The following THADA variants were observed in gnomAD, a reference collection of about 807,000 sequenced individuals.
THADA encodes the protein tRNA (32-2'-O)-methyltransferase regulator THADA.
Under a neutral mutation model 219.8 loss-of-function variants are expected in THADA, and 213 were observed. The ratio of observed to expected loss-of-function variants is 0.97; its 90% CI spans 0.87 to 1.09. THADA has a LOEUF of 1.09. Among genes scored for constraint, THADA ranks in the 50% least tolerant of loss-of-function variants. The probability of loss-of-function intolerance (pLI) is 0.00; values close to 1 mark genes in which losing one functional copy is unlikely to be tolerated. For synonymous variants in THADA, 1,018 were observed against 828.9 expected (o/e 1.23, Z -3.92); for missense variants, 2,956 against 2,311.3 (o/e 1.28, Z -5.72).
intron 29 of THADA, among the ~76,000 whole-genome samples, chr2:43,354,203 G>A (rs1262756773): frequency 4.0e-5 from 6 of 151,826 alleles, no homozygotes; most frequent in Non-Finnish European, 7.4e-5. Flanking sequence ...TGATCCACCC[G>A]CCTTGGCCTC....
Position 43,577,256 on chromosome 2 carries a change from G to A in THADA, c.817-14C>T, listed in dbSNP as rs750919117. On this transcript the variant is annotated splice_polypyrimidine_tract_variant and intron_variant, in intron 9 of 37. Coordinates refer to ENST00000405975, the MANE Select transcript of THADA (RefSeq NM_022065.5). Reference sequence around the variant, plus strand: ...CACACTGCTAATCTGGAAAAATATAGCAGAGCTAACACACATAAAGCTTTT... The same window carrying A: ...CACACTGCTAATCTGGAAAAATATAACAGAGCTAACACACATAAAGCTTTT... 1 of 1,560,826 alleles carries A rather than the reference G, an allele frequency of 6.4e-7. No homozygotes were observed. The highest frequency in any genetic ancestry group is 1.2e-5 in the South Asian group (1 of 84,976).
intron 8 of THADA, among the ~76,000 whole-genome samples, chr2:43,578,963 C>T (rs1700131684): frequency 1.3e-5 from 2 of 152,176 alleles, no homozygotes. Flanking sequence ...TCCCAAGTAG[C>T]TGGGACTACA....
rs1419401207 is a variant in THADA, at chr2:43,437,499, A to AG, written c.3837-7198dup. Among the ~76,000 whole-genome samples, 3 of 152,220 alleles carry AG rather than the reference A, an allele frequency of 2.0e-5. No individual in the cohort carries two copies. In the East Asian group the frequency reaches 5.8e-4, roughly 29 times the overall value. ...TCCTGCTGCTTGGTGTCCTACTGGT[A>AG]GTAACCTTAATTAAATGTTGTATGA... On this transcript the variant is annotated intron_variant, in intron 26 of 37. Coordinates refer to ENST00000405975, the MANE Select transcript of THADA (RefSeq NM_022065.5).
chr2:43,379,166 G>C (rs879850796), intron 29 of THADA, among the ~76,000 whole-genome samples: 5 of 152,232 alleles, frequency 3.3e-5, no homozygotes, highest in South Asian at 4.1e-4. Flanking sequence ...AGCAAACTCA[G>C]TTACAGTATT....
intron 29 of THADA, among the ~76,000 whole-genome samples, chr2:43,393,256 A>T (rs1384657708): frequency 6.6e-6 from 1 of 152,218 alleles, no homozygotes; most frequent in African/African-American, 2.4e-5. Context: ...TTTCCACTGT[A>T]TCATAACATA....
intron 31 of THADA, among the ~76,000 whole-genome samples, chr2:43,296,959 AC>A (rs1189008551): frequency 7.4e-6 from 1 of 134,592 alleles, no homozygotes; most frequent in Non-Finnish European, 1.6e-5. Flanking sequence ...CCCGGCCGCC[AC>A]CCCGTCTGGG....
chr2:43,405,066 C>A (rs1467480701), intron 28 of THADA, among the ~76,000 whole-genome samples: 2 of 152,220 alleles, frequency 1.3e-5, no homozygotes, highest in Non-Finnish European at 2.9e-5. Flanking sequence ...TCACAGAGGC[C>A]TACCCTCCTC....
intron 14 of THADA, among the ~76,000 whole-genome samples, chr2:43,570,164 A>G (rs1699133066): frequency 6.6e-6 from 1 of 152,194 alleles, no homozygotes; most frequent in Non-Finnish European, 1.5e-5. Context: ...AGGTTAGCCC[A>G]CTAACGTCAT....
At chr2:43,470,125 T>C (rs928530348) in intron 26 of THADA, among the ~76,000 whole-genome samples, 5 of 151,144 alleles carry the variant, frequency 3.3e-5, no homozygotes, top group African/African-American at 7.3e-5. Flanking sequence ...AGAGAATTGC[T>C]TGAACCCAGG....
intron 30 of THADA, among the ~76,000 whole-genome samples, chr2:43,326,465 G>A (rs756982154): frequency 6.6e-6 from 1 of 152,096 alleles, no homozygotes; most frequent in African/African-American, 2.4e-5. Context: ...TGGCAGAGGT[G>A]GGTTATTTTT....
chr2:43,239,737 G>A (rs555145079), intron 36 of THADA, among the ~76,000 whole-genome samples: 11 of 152,224 alleles, frequency 7.2e-5, no homozygotes, highest in African/African-American at 2.7e-4. Context: ...GCAATGGGTT[G>A]AATTCTCCCT....
At chr2:43,483,615 T>C (rs1207652240) in intron 26 of THADA, among the ~76,000 whole-genome samples, 1 of 152,124 alleles carries the variant, frequency 6.6e-6, no homozygotes, top group Non-Finnish European at 1.5e-5. Flanking sequence ...GAGGAATAAA[T>C]TTATAATGGA....
chr2:43,250,213 T>C (rs937704871), intron 36 of THADA, among the ~76,000 whole-genome samples: 1 of 152,228 alleles, frequency 6.6e-6, no homozygotes, highest in African/African-American at 2.4e-5. Context: ...AATGGACCAT[T>C]ACTCAGCCAT....
At chr2:43,366,291 G>A (rs908519634) in intron 29 of THADA, among the ~76,000 whole-genome samples, 28 of 152,244 alleles carry the variant, frequency 1.8e-4, no homozygotes, top group African/African-American at 6.3e-4. Context: ...ACTGTCTAAT[G>A]AACTGTACAC....
At chr2:43,460,865 G>C (rs923470717) in intron 26 of THADA, among the ~76,000 whole-genome samples, 1 of 152,208 alleles carries the variant, frequency 6.6e-6, no homozygotes, top group African/African-American at 2.4e-5. Flanking sequence ...GATGTTGACA[G>C]ATTTGGAAAA....
At chr2:43,391,982 C>T (rs1673437235) in intron 29 of THADA, 1 of 152,174 alleles carries the variant, frequency 6.6e-6, no homozygotes, top group Admixed American at 6.5e-5. Flanking sequence ...AAAAAAAGCA[C>T]ACAGACCAGA....
chr2:43,385,346 C>T (rs1573390242), intron 29 of THADA, among the ~76,000 whole-genome samples: 1 of 152,030 alleles, frequency 6.6e-6, no homozygotes, highest in East Asian at 1.9e-4. Context: ...GTGGCTCATG[C>T]CTGTAATCCC....
intron 26 of THADA, among the ~76,000 whole-genome samples, chr2:43,471,359 C>T (rs1376644707): frequency 6.6e-6 from 1 of 152,028 alleles, no homozygotes; most frequent in Non-Finnish European, 1.5e-5. Context: ...GACTCTCTCT[C>T]TACAAAAAAT....
At chr2:43,290,463 T>C (rs1054703976) in intron 34 of THADA, among the ~76,000 whole-genome samples, 6 of 152,132 alleles carry the variant, frequency 3.9e-5, no homozygotes, top group Non-Finnish European at 5.9e-5. Flanking sequence ...ACCCTTGGTT[T>C]TATCTCTGCC....
Sources: allele counts gnomAD v4.1 joint callset (sites outside exome capture counted in the v4.1 genomes callset), GRCh38; gene constraint gnomAD v4.1.1; transcripts MANE v1.5; gene names NCBI Gene and HGNC (gene_info 2026-07-23, HGNC 2026-07-21).